SKAP1: variants seen among roughly 807,000 people sequenced by gnomAD.
The protein encoded by SKAP1 is src kinase-associated phosphoprotein 1.
A neutral mutation model predicts 58.5 loss-of-function variants in SKAP1; 44 were observed. That is an observed-to-expected ratio of 0.75 (90% CI 0.59 to 0.97). The LOEUF (loss-of-function observed/expected upper bound fraction) is 0.97, where lower values mean the gene tolerates loss of function less well. SKAP1 is among the 50% of genes least tolerant of loss of function. The probability of loss-of-function intolerance (pLI) is 0.00; values close to 1 mark genes in which losing one functional copy is unlikely to be tolerated. For synonymous variants in SKAP1, 127 were observed against 149.7 expected (o/e 0.85, Z 1.11); for missense variants, 390 against 435.2 (o/e 0.90, Z 0.92).
At chr17:48,257,628 C>CTTTTT (rs56225931) in intron 4 of SKAP1, among the ~76,000 whole-genome samples, 155 of 111,090 alleles carry the variant, frequency 1.4e-3, no homozygotes, top group African/African-American at 2.6e-3. Context: ...TTCTTTCTTT[C>CTTTTT]TTTTTTTTTT....
intron 3 of SKAP1, among the ~76,000 whole-genome samples, chr17:48,357,482 T>G (rs1240875589): frequency 2.0e-5 from 3 of 151,894 alleles, no homozygotes; most frequent in Admixed American, 6.6e-5. Context: ...TACAAAAAAT[T>G]AGCCGGGCGT....
intron 4 of SKAP1, among the ~76,000 whole-genome samples, chr17:48,265,038 A>G (rs1386228513): frequency 6.6e-6 from 1 of 152,184 alleles, no homozygotes; most frequent in Non-Finnish European, 1.5e-5. Context: ...GTGATGGGGA[A>G]GGCTGCTCTC....
chr17:48,406,467 A>C (rs2067586453), intron 1 of SKAP1, among the ~76,000 whole-genome samples: 2 of 150,252 alleles, frequency 1.3e-5, no homozygotes, highest in Non-Finnish European at 3.0e-5. Flanking sequence ...GCAGTGGCAC[A>C]ATCACGGCTC....
At chr17:48,137,804 C>G (rs763936663) in intron 11 of SKAP1, among the ~76,000 whole-genome samples, 15 of 152,176 alleles carry the variant, frequency 9.9e-5, no homozygotes, top group South Asian at 2.1e-4. Flanking sequence ...GAGCTTACAG[C>G]AGAGTAATGG....
chr17:48,414,616 G>A (rs938904969), intron 1 of SKAP1, among the ~76,000 whole-genome samples: 3 of 152,104 alleles, frequency 2.0e-5, no homozygotes, highest in African/African-American at 7.2e-5. Context: ...GCCCTAAAAC[G>A]AAAATTCTCT....
chr17:48,313,379 G>A (rs1283349743), intron 4 of SKAP1, among the ~76,000 whole-genome samples: 3 of 152,114 alleles, frequency 2.0e-5, no homozygotes, highest in Non-Finnish European at 4.4e-5. Context: ...AACAGAAGCT[G>A]ACCCGTGAAG....
At chr17:48,159,111 T>C (rs1027434496) in intron 11 of SKAP1, among the ~76,000 whole-genome samples, 1 of 152,180 alleles carries the variant, frequency 6.6e-6, no homozygotes, top group Non-Finnish European at 1.5e-5. Flanking sequence ...AGAATACTTT[T>C]ATCAGATAGA....
At chr17:48,430,429 C>G (rs1269820123), upstream of SKAP1, among the ~76,000 whole-genome samples, 1 of 152,130 alleles carries the variant, frequency 6.6e-6, no homozygotes, top group Non-Finnish European at 1.5e-5. Context: ...CCTCCAGCAC[C>G]CACCAAAACA....
chr17:48,139,205 G>A (rs1381987761), intron 11 of SKAP1, among the ~76,000 whole-genome samples: 2 of 144,842 alleles, frequency 1.4e-5, no homozygotes, highest in African/African-American at 5.2e-5. Flanking sequence ...TTTTTGAGAT[G>A]GAGTCTCGCT....
chr17:48,221,053 G>C (rs1248147226), intron 4 of SKAP1, among the ~76,000 whole-genome samples: 2 of 151,972 alleles, frequency 1.3e-5, no homozygotes, highest in Non-Finnish European at 1.5e-5. Flanking sequence ...CGGATAACGA[G>C]GTCAGGACTT....
intron 4 of SKAP1, among the ~76,000 whole-genome samples, chr17:48,310,938 G>A (rs2066214741): frequency 6.6e-6 from 1 of 152,134 alleles, no homozygotes; most frequent in Admixed American, 6.5e-5. Flanking sequence ...CTAAATAACT[G>A]TGTTGCCATC....
intron 4 of SKAP1, among the ~76,000 whole-genome samples, chr17:48,301,244 AG>A (rs2066052371): frequency 6.6e-6 from 1 of 152,156 alleles, no homozygotes; most frequent in South Asian, 2.1e-4. Flanking sequence ...GCTTGTTTTT[AG>A]TAGACTACTG....
chr17:48,232,788 A>C (rs755608789), intron 4 of SKAP1, among the ~76,000 whole-genome samples: 2 of 152,216 alleles, frequency 1.3e-5, no homozygotes, highest in Non-Finnish European at 2.9e-5. Context: ...AGTGCCTGAC[A>C]AAAGACCGTT....
intron 4 of SKAP1, among the ~76,000 whole-genome samples, chr17:48,257,628 C>CTTTTTTTTTTTTTTTTTTTTTTT (rs56225931): frequency 1.8e-5 from 2 of 111,148 alleles, no homozygotes; most frequent in Non-Finnish European, 1.8e-5. Context: ...TTCTTTCTTT[C>CTTTTTTTTTTTTTTTTTTTTTTT]TTTTTTTTTT....
chr17:48,279,036 C>T (rs2065736131), intron 4 of SKAP1, among the ~76,000 whole-genome samples: 1 of 152,138 alleles, frequency 6.6e-6, no homozygotes, highest in African/African-American at 2.4e-5. Flanking sequence ...CAATATATTG[C>T]AAGCCGAGTT....
chr17:48,154,780 T>TG (rs2063950124), intron 11 of SKAP1, among the ~76,000 whole-genome samples: 1 of 152,106 alleles, frequency 6.6e-6, no homozygotes, highest in Non-Finnish European at 1.5e-5. Context: ...TTATCTTGGC[T>TG]GGGCGTGGTG....
rs1158464855 is a variant in SKAP1 at position 48,180,138 on chromosome 17, T to C, written c.742A>G (p.Arg248Gly). 1.2e-6 allele frequency: 2 copies of C among 1,613,914 alleles called. No individual in the cohort carries two copies. The highest frequency in any genetic ancestry group is 2.7e-5 in the African/African-American group (2 of 74,926). Residue 248 changes from arginine to glycine, a missense_variant, in exon 9 of 13, where the codon AGA becomes GGA. Transcript: ENST00000336915. ...ACACTCCCAGGCAAGATAGTGGGTC[T>C]GCACTGGGAACCACAACTTGGGGAG... The part of the protein sequence containing the change: ...FDSPSCGSQC[R>G]PTILPGSVGI...
chr17:48,177,278 G>T (rs2064303317), intron 9 of SKAP1, among the ~76,000 whole-genome samples: 1 of 152,160 alleles, frequency 6.6e-6, no homozygotes, highest in Non-Finnish European at 1.5e-5. Context: ...CTTCAAGGAG[G>T]TAACACTTCC....
At chr17:48,428,352 C>A (rs142806741) in intron 1 of SKAP1, among the ~76,000 whole-genome samples, 141 of 152,230 alleles carry the variant, frequency 9.3e-4, no homozygotes, top group African/African-American at 3.2e-3. Context: ...CCATTCATAC[C>A]CCGCTCTACT....
Sources: gnomAD v4.1 joint callset for allele counts (sites outside exome capture counted in the v4.1 genomes callset) on GRCh38, gnomAD v4.1.1 for gene constraint, MANE v1.5 for transcripts, NCBI Gene and HGNC (gene_info 2026-07-23, HGNC 2026-07-21) for gene names.